Variants in ROR2 observed in about 807,000 individuals in gnomAD.
ROR2 encodes the protein tyrosine-protein kinase transmembrane receptor ROR2.
ROR2 carries 33 observed loss-of-function variants against 74.9 expected under a neutral mutation model. The ratio of observed to expected loss-of-function variants is 0.44; its 90% CI spans 0.33 to 0.59. ROR2 has a LOEUF of 0.59. Among genes scored for constraint, ROR2 ranks in the 20% least tolerant of loss-of-function variants. The probability of loss-of-function intolerance (pLI) is 0.02; values close to 1 mark genes in which losing one functional copy is unlikely to be tolerated. For missense variants in ROR2, 1,216 were observed against 1,313.8 expected, an observed-to-expected ratio of 0.93 and a Z score of 1.15; for synonymous variants, 586 against 558.7, an observed-to-expected ratio of 1.05 and a Z score of -0.69.
chr9:91,803,632 A>G (rs1410829368), intron 1 of ROR2, among the ~76,000 whole-genome samples: 1 of 152,240 alleles, frequency 6.6e-6, no homozygotes, highest in Non-Finnish European at 1.5e-5. Context: ...CAAGAAGAGA[A>G]GCATGCCCTG....
intron 1 of ROR2, among the ~76,000 whole-genome samples, chr9:91,904,997 C>A (rs1487580683): frequency 2.0e-5 from 3 of 151,822 alleles, no homozygotes; most frequent in Non-Finnish European, 4.4e-5. Flanking sequence ...ATACACACAA[C>A]ACATACCACA....
chr9:91,891,000 G>T (rs901901555), intron 1 of ROR2, among the ~76,000 whole-genome samples: 9 of 152,016 alleles, frequency 5.9e-5, no homozygotes, highest in Non-Finnish European at 1.3e-4. Flanking sequence ...TTTTAACATA[G>T]TACCAGGGCT....
At chr9:91,895,641 C>A (rs1014237204) in intron 1 of ROR2, among the ~76,000 whole-genome samples, 2 of 152,248 alleles carry the variant, frequency 1.3e-5, no homozygotes, top group African/African-American at 4.8e-5. Flanking sequence ...GTCAGGAGTT[C>A]AAGACCAGCC....
chr9:91,926,406 C>T (rs1405968913), intron 1 of ROR2, among the ~76,000 whole-genome samples: 1 of 149,762 alleles, frequency 6.7e-6, no homozygotes, highest in Non-Finnish European at 1.5e-5. Flanking sequence ...ATTAGCTGGG[C>T]GTGGTGGCAC....
intron 1 of ROR2, among the ~76,000 whole-genome samples, chr9:91,796,688 ATGGGGCTGATACACTGGGACTAGTAGG>A (rs1305018044): frequency 6.7e-6 from 1 of 150,130 alleles, no homozygotes; most frequent in African/African-American, 2.5e-5. Flanking sequence ...GGGCTAGTAG[ATGGGGCTGATACACTGGGACTAGTAGG>A]TGGGGCTGAC....
At chr9:91,830,323 T>C (rs1317350475) in intron 1 of ROR2, among the ~76,000 whole-genome samples, 2 of 152,104 alleles carry the variant, frequency 1.3e-5, no homozygotes, top group African/African-American at 4.8e-5. Context: ...ATTTAAAAAT[T>C]AGCCAGATAT....
intron 1 of ROR2, among the ~76,000 whole-genome samples, chr9:91,831,302 A>G (rs1828459047): frequency 6.6e-6 from 1 of 152,144 alleles, no homozygotes; most frequent in African/African-American, 2.4e-5. Context: ...TACTTTTGTA[A>G]CGTAAGTTTG....
At chr9:91,875,191 C>T (rs1829922432) in intron 1 of ROR2, among the ~76,000 whole-genome samples, 1 of 152,124 alleles carries the variant, frequency 6.6e-6, no homozygotes, top group Admixed American at 6.5e-5. Context: ...CATGTAATTC[C>T]GTAAATGAAA....
chr9:91,731,071 G>A lies in ROR2; in HGVS notation c.1022C>T (p.Ala341Val). 1 of 1,614,080 alleles carries A rather than the reference G, an allele frequency of 6.2e-7. No individual in the cohort carries two copies. The highest frequency in any genetic ancestry group is 8.5e-7 in the Non-Finnish European group (1 of 1,180,022). ...TKSGHQCQPW[A>V]LQHPHSHHLS... is the part of the protein sequence containing the mutation. ...GTGGTGGCTGTGGGGGTGCTGCAGG[G>A]CCCACGGCTGGCACTGGTGGCCTGA... The change falls in exon 7 of 9, where the codon GCC (alanine) becomes GTC (valine). Residue 341 changes from alanine (A) to valine (V), a missense_variant. Transcript: ENST00000375708.
At chr9:91,838,884 G>A (rs1288436621) in intron 1 of ROR2, among the ~76,000 whole-genome samples, 3 of 152,090 alleles carry the variant, frequency 2.0e-5, no homozygotes, top group African/African-American at 4.8e-5. Flanking sequence ...ATCGTCTTTC[G>A]GCACACAGTA....
At chr9:91,918,833 A>C (rs1172564119) in intron 1 of ROR2, among the ~76,000 whole-genome samples, 1 of 152,244 alleles carries the variant, frequency 6.6e-6, no homozygotes, top group Non-Finnish European at 1.5e-5. Flanking sequence ...GCTGGCTTAC[A>C]TGTAGCAAAA....
At chr9:91,853,127 T>A (rs1829164865) in intron 1 of ROR2, among the ~76,000 whole-genome samples, 1 of 152,154 alleles carries the variant, frequency 6.6e-6, no homozygotes, top group South Asian at 2.1e-4. Flanking sequence ...GGCTGAGGCA[T>A]GAGGGGTCTG....
intron 3 of ROR2, 103 bp from the exon 4 acceptor site, chr9:91,756,204 C>T: frequency 5.4e-6 from 6 of 1,108,310 alleles, no homozygotes; most frequent in Non-Finnish European, 8.2e-6. Flanking sequence ...CCAGCGGGCT[C>T]ACTGGTGGGC....
intron 4 of ROR2, among the ~76,000 whole-genome samples, chr9:91,740,558 G>C (rs1019621328): frequency 4.8e-5 from 7 of 146,386 alleles, no homozygotes; most frequent in South Asian, 2.1e-4. Flanking sequence ...TTTCGGGCGG[G>C]GGGGGGAATA....
chr9:91,726,842 G>A (rs878858206), intron 7 of ROR2, 99 bp from the exon 8 acceptor site: 19 of 1,096,154 alleles, frequency 1.7e-5, no homozygotes, highest in South Asian at 6.5e-5. Flanking sequence ...AAATCTTCAC[G>A]TGCACGTGTG....
chr9:91,817,173 T>C (rs1359564171), intron 1 of ROR2, among the ~76,000 whole-genome samples: 1 of 151,848 alleles, frequency 6.6e-6, no homozygotes, highest in Admixed American at 6.6e-5. Context: ...GGTGAGGCGG[T>C]TGGCTTGGCA....
intron 1 of ROR2, among the ~76,000 whole-genome samples, chr9:91,778,139 C>G (rs1035323710): frequency 1.4e-4 from 21 of 152,254 alleles, no homozygotes; most frequent in Admixed American, 1.1e-3. Context: ...GCCCTCACTC[C>G]TGCTGCACAC....
chr9:91,850,078 G>A (rs13296321), intron 1 of ROR2, among the ~76,000 whole-genome samples: 1 of 152,138 alleles, frequency 6.6e-6, no homozygotes, highest in Non-Finnish European at 1.5e-5. Context: ...ATGTCTGGAA[G>A]GCAAATCCCA....
At chr9:91,928,478 A>G (rs78050298) in intron 1 of ROR2, among the ~76,000 whole-genome samples, 6,837 of 152,308 alleles carry the variant, frequency 0.045, 223 homozygotes, top group Non-Finnish European at 0.061. Context: ...AAAGGAAGGT[A>G]CACCACTCTG....
Sources: gnomAD v4.1 joint callset for allele counts (sites outside exome capture counted in the v4.1 genomes callset) on GRCh38, gnomAD v4.1.1 for gene constraint, MANE v1.5 for transcripts, NCBI Gene and HGNC (gene_info 2026-07-23, HGNC 2026-07-21) for gene names.